SGCZ: variants seen among roughly 807,000 people sequenced by gnomAD.
The protein encoded by SGCZ is sarcoglycan zeta.
A neutral mutation model predicts 41.3 loss-of-function variants in SGCZ; 40 were observed. The observed-to-expected ratio is 0.97, with a 90% CI of 0.75 to 1.26. The LOEUF is 1.26. SGCZ is among the 50% of genes most tolerant of loss of function. The pLI is 0.00. For missense variants in SGCZ, 552 were observed against 369.8 expected, an observed-to-expected ratio of 1.49 and a Z score of -4.04; for synonymous variants, 206 against 137.5, an observed-to-expected ratio of 1.50 and a Z score of -3.49.
intron 1 of SGCZ, among the ~76,000 whole-genome samples, chr8:14,723,902 T>C (rs1376499154): frequency 6.6e-6 from 1 of 152,084 alleles, no homozygotes; most frequent in Non-Finnish European, 1.5e-5. Flanking sequence ...TCCACCTTCA[T>C]TGCCTTTATA....
Position 14,084,863 on chromosome 8 carries a change from G to C in SGCZ, c.*5580C>G, listed in dbSNP as rs923021773. ...TATCATGTAAGTTTTTATCCTCTTT[G>C]TTTTGACTATCACATTTAATCATGG... On this transcript the variant is annotated 3_prime_UTR_variant, in exon 8 of 8. Coordinates refer to ENST00000382080, the MANE Select transcript of SGCZ (RefSeq NM_139167.4). 1.3e-5 allele frequency among the ~76,000 whole-genome samples: 2 copies of C among 151,638 alleles called. No individual in the cohort carries two copies. Among genetic ancestry groups the C allele is most frequent in the South Asian group, 4.1e-4 (2 of 4,824 alleles).
chr8:14,748,584 G>C (rs969785945), intron 1 of SGCZ, among the ~76,000 whole-genome samples: 12 of 152,076 alleles, frequency 7.9e-5, no homozygotes, highest in African/African-American at 2.2e-4. Context: ...ATGTTTCTCT[G>C]CCAGAAAAAT....
intron 1 of SGCZ, among the ~76,000 whole-genome samples, chr8:14,927,270 G>A (rs909359213): frequency 3.3e-5 from 5 of 151,824 alleles, no homozygotes; most frequent in African/African-American, 7.2e-5. Context: ...CACCACGCCC[G>A]CCTAATTTTT....
chr8:15,049,683 T>G (rs1804444505), intron 1 of SGCZ, among the ~76,000 whole-genome samples: 1 of 152,098 alleles, frequency 6.6e-6, no homozygotes, highest in Admixed American at 6.6e-5. Flanking sequence ...GATGGTGATA[T>G]AGTTTGGCTG....
chr8:14,433,683 T>G (rs1374909351), intron 2 of SGCZ, among the ~76,000 whole-genome samples: 3 of 152,210 alleles, frequency 2.0e-5, no homozygotes, highest in Non-Finnish European at 4.4e-5. Context: ...AATGCTCACA[T>G]AATTTTACAT....
intron 1 of SGCZ, among the ~76,000 whole-genome samples, chr8:14,613,439 T>G (rs1248438932): frequency 6.6e-6 from 1 of 152,172 alleles, no homozygotes; most frequent in Non-Finnish European, 1.5e-5. Flanking sequence ...CTATAAATCA[T>G]GCTCTTTTGG....
At chr8:15,192,073 T>C (rs962618320) in intron 1 of SGCZ, among the ~76,000 whole-genome samples, 1 of 152,138 alleles carries the variant, frequency 6.6e-6, no homozygotes, top group Admixed American at 6.5e-5. Flanking sequence ...TACTATTATA[T>C]TCCCAGTGTT....
In SGCZ at chr8:14,828,069, A is replaced by C. The variant is rs1802398376; in HGVS notation, c.40-273143T>G. On this transcript the variant is annotated intron_variant, in intron 1 of 7. Transcript: ENST00000382080. ...AAGCTGCTGATCACACATCAGCTTG[A>C]AATGAATCTCTATTAGAAAAGTAAT... Among the ~76,000 whole-genome samples the C allele has an allele frequency of 1.3e-5, 2 of 152,220 alleles. 1 individual carries two copies. The highest frequency in any genetic ancestry group is 4.8e-5 in the African/African-American group (2 of 41,462).
At chr8:14,942,524 A>C (rs574196261) in intron 1 of SGCZ, among the ~76,000 whole-genome samples, 1 of 152,250 alleles carries the variant, frequency 6.6e-6, no homozygotes, top group African/African-American at 2.4e-5. Flanking sequence ...GCATCTAAAT[A>C]ATCTTACATT....
At chr8:14,793,794 C>T (rs1235213337) in intron 1 of SGCZ, among the ~76,000 whole-genome samples, 1 of 152,114 alleles carries the variant, frequency 6.6e-6, no homozygotes, top group African/African-American at 2.4e-5. Context: ...TTCTCTTTCA[C>T]CTTGGCAGAA....
intron 1 of SGCZ, among the ~76,000 whole-genome samples, chr8:14,672,672 CTGGT>C (rs1808143405): frequency 6.6e-6 from 1 of 152,182 alleles, no homozygotes; most frequent in African/African-American, 2.4e-5. Flanking sequence ...AATGAAGACA[CTGGT>C]TGTGCTCAGG....
chr8:15,030,348 A>C (rs1180048425), intron 1 of SGCZ, among the ~76,000 whole-genome samples: 1 of 152,166 alleles, frequency 6.6e-6, no homozygotes, highest in Non-Finnish European at 1.5e-5. Context: ...ACAGTAATAA[A>C]ATTTAATTTC....
chr8:14,700,064 T>C (rs533263494), intron 1 of SGCZ, among the ~76,000 whole-genome samples: 7 of 152,002 alleles, frequency 4.6e-5, no homozygotes, highest in African/African-American at 1.7e-4. Flanking sequence ...TCGAAGAACT[T>C]AAAAGAGAAC....
At chr8:14,276,162 G>T (rs974120560) in intron 3 of SGCZ, among the ~76,000 whole-genome samples, 14 of 152,154 alleles carry the variant, frequency 9.2e-5, no homozygotes, top group Admixed American at 4.6e-4. Context: ...CTTAGTCTGG[G>T]TGGGCATTGA....
intron 3 of SGCZ, among the ~76,000 whole-genome samples, chr8:14,291,675 G>A (rs566274164): frequency 0.016 from 1,006 of 64,694 alleles, 7 homozygotes; most frequent in South Asian, 0.041. Context: ...TTCTTTATTC[G>A]GAAACATATA....
At chr8:14,957,974 T>G (rs1800844777) in intron 1 of SGCZ, among the ~76,000 whole-genome samples, 1 of 151,984 alleles carries the variant, frequency 6.6e-6, no homozygotes, top group Non-Finnish European at 1.5e-5. Flanking sequence ...CCAAACTAAT[T>G]TAAAGTACTG....
intron 2 of SGCZ, among the ~76,000 whole-genome samples, chr8:14,371,390 C>T (rs1252189147): frequency 1.4e-4 from 22 of 151,914 alleles, no homozygotes; most frequent in African/African-American, 2.9e-4. Context: ...TAACATTTTC[C>T]GGTATTAGCA....
At chr8:14,756,526 A>G (rs1799674016) in intron 1 of SGCZ, among the ~76,000 whole-genome samples, 1 of 151,938 alleles carries the variant, frequency 6.6e-6, no homozygotes, top group African/African-American at 2.4e-5. Context: ...TTCCCACAGT[A>G]CTCTGCAGAT....
At chr8:15,054,173 A>G (rs1804621891) in intron 1 of SGCZ, among the ~76,000 whole-genome samples, 2 of 152,216 alleles carry the variant, frequency 1.3e-5, no homozygotes, top group African/African-American at 4.8e-5. Context: ...GCTCATAATG[A>G]AATATGTTAA....
Sources: allele counts gnomAD v4.1 joint callset (sites outside exome capture counted in the v4.1 genomes callset), GRCh38; gene constraint gnomAD v4.1.1; transcripts MANE v1.5; gene names NCBI Gene and HGNC (gene_info 2026-07-23, HGNC 2026-07-21).